SRC: variants seen among roughly 807,000 people sequenced by gnomAD.
SRC encodes SRC proto-oncogene, non-receptor tyrosine kinase, also known as proto-oncogene tyrosine-protein kinase Src.
SRC carries 13 observed loss-of-function variants against 62.9 expected under a neutral mutation model. The ratio of observed to expected loss-of-function variants is 0.21; its 90% confidence interval spans 0.13 to 0.33. The LOEUF is 0.33. SRC is among the 10% of genes least tolerant of loss of function. The pLI is 1.00. For missense variants in SRC, 457 were observed against 737.3 expected (o/e 0.62, Z 4.40); for synonymous variants, 302 against 317.5 (o/e 0.95, Z 0.52).
At chr20:37,373,596 C>G (rs1449635549) in intron 2 of SRC, among the ~76,000 whole-genome samples, 2 of 152,230 alleles carry the variant, frequency 1.3e-5, no homozygotes, top group African/African-American at 4.8e-5. Flanking sequence ...AGGCGTAAGC[C>G]ACCACGCCCA....
chr20:37,377,529 G>A (rs1265101401), intron 2 of SRC, among the ~76,000 whole-genome samples: 29 of 152,194 alleles, frequency 1.9e-4, no homozygotes, highest in Non-Finnish European at 2.9e-5. Flanking sequence ...TGTGAGCCAG[G>A]AGGTGAGAGA....
At chr20:37,380,697 T>C in intron 2 of SRC, among the ~76,000 whole-genome samples, 1 of 152,118 alleles carries the variant, frequency 6.6e-6, no homozygotes, top group East Asian at 1.9e-4. Context: ...TGGAGATGGA[T>C]CCTGCCTGGC....
intron 5 of SRC, among the ~76,000 whole-genome samples, chr20:37,387,278 G>C (rs2070471936): frequency 6.6e-6 from 1 of 152,182 alleles, no homozygotes; most frequent in Non-Finnish European, 1.5e-5. Context: ...CATCGCTCAA[G>C]ATCAGTGCAG....
At position 37,391,861 on chromosome 20, in the gene SRC, TA is replaced by T. The variant is rs1339596124; in HGVS notation, c.351-2031del. Among the ~76,000 whole-genome samples, 4 of 152,032 alleles carry T rather than the reference TA, an allele frequency of 2.6e-5. No individual in the cohort carries two copies. In the East Asian group the frequency reaches 7.7e-4, roughly 29 times the overall value. On this transcript the variant is annotated intron_variant, in intron 5 of 13. Transcript: ENST00000373578. ...AGAGCAAGACTCCATCTCAAAAAAA[TA>T]AATAAATAAATAAAGTGCTGGGCTA... is the stretch of plus-strand genomic sequence containing the variant.
In SRC at chr20:37,398,214, T is replaced by C. The variant is rs1295008090; in HGVS notation, c.859+360T>C. ...ACTGTGGAGACCCTGACCCAGTGCGTGTCCACACACTAGCTGTTCGCCATG... is the reference window on the plus strand; with the variant it reads ...ACTGTGGAGACCCTGACCCAGTGCGCGTCCACACACTAGCTGTTCGCCATG... On this transcript the variant is annotated intron_variant, in intron 9 of 13. Coordinates refer to ENST00000373578, the MANE Select transcript of SRC (RefSeq NM_198291.3). This position sits in a 1 kb window ranked among gnomAD's most constrained non-coding sequence, Gnocchi z 5.2. Among the ~76,000 whole-genome samples, 1 of 152,158 alleles carries C rather than the reference T, an allele frequency of 6.6e-6. No homozygotes were observed. The highest frequency in any genetic ancestry group is 1.5e-5 in the Non-Finnish European group (1 of 68,010).
chr20:37,394,200 G>A lies in SRC; in HGVS notation c.476G>A (p.Arg159Gln). 1.2e-6 allele frequency: 2 copies of A among 1,614,028 alleles called. No individual in the cohort carries two copies. The highest frequency in any genetic ancestry group is 1.7e-6 in the Non-Finnish European group (2 of 1,180,028). Residue 159 changes from arginine (R) to glutamine (Q), a missense_variant, in exon 7 of 14, where the codon CGG becomes CAG. This residue lies in a region of SRC where 141 missense variants were observed against 198.4 expected (regional missense o/e 0.71). Coordinates refer to ENST00000373578, the MANE Select transcript of SRC (RefSeq NM_198291.3). ...EEWYFGKITR[R>Q]ESERLLLNAE... ...TGGTATTTTGGCAAGATCACCAGAC[G>A]GGAGTCAGAGCGGTTACTGCTCAAT...
At chr20:37,359,259 T>C (rs1179329943) in intron 1 of SRC, among the ~76,000 whole-genome samples, 1 of 152,226 alleles carries the variant, frequency 6.6e-6, no homozygotes, top group African/African-American at 2.4e-5. Flanking sequence ...CCCACAAATA[T>C]TTTCTGTGCT....
At chr20:37,363,001 C>T (rs2069999669) in intron 1 of SRC, among the ~76,000 whole-genome samples, 1 of 152,210 alleles carries the variant, frequency 6.6e-6, no homozygotes. Flanking sequence ...AAAGCCATCC[C>T]ACCTGCCTGG....
At chr20:37,359,923 T>C (rs2069941204) in intron 1 of SRC, among the ~76,000 whole-genome samples, 1 of 151,878 alleles carries the variant, frequency 6.6e-6, no homozygotes, top group African/African-American at 2.4e-5. Context: ...CTTTGCATCA[T>C]TTAAGTTAAT....
chr20:37,400,307 C>A lies in SRC; in HGVS notation c.1039+13C>A. Reference sequence around the variant, plus strand: ...TACATGAGCAAGGGTGAGTCCTGGGCGGCCGGGGCAGGGGGCAGGGGCACT... The same window carrying A: ...TACATGAGCAAGGGTGAGTCCTGGGAGGCCGGGGCAGGGGGCAGGGGCACT... On this transcript the variant is annotated intron_variant, in intron 10 of 13. Coordinates refer to ENST00000373578, the MANE Select transcript of SRC (RefSeq NM_198291.3). The A allele has an allele frequency of 1.3e-6, 2 of 1,598,954 alleles. No homozygotes were observed. The highest frequency in any genetic ancestry group is 1.1e-5 in the South Asian group (1 of 89,460).
chr20:37,386,505 C>T (rs1339005394), intron 5 of SRC: 3 of 512,996 alleles, frequency 5.8e-6, no homozygotes, highest in South Asian at 3.1e-5. Context: ...GGGCGGCGGG[C>T]TGGGCGGGGT....
intron 5 of SRC, among the ~76,000 whole-genome samples, chr20:37,391,623 G>A (rs2070550306): frequency 6.6e-6 from 1 of 152,158 alleles, no homozygotes; most frequent in Non-Finnish European, 1.5e-5. Context: ...GGAGGCCGAG[G>A]TGGGCAGATC....
intron 2 of SRC, among the ~76,000 whole-genome samples, chr20:37,369,001 G>A (rs2070120897): frequency 6.6e-6 from 1 of 152,148 alleles, no homozygotes; most frequent in Non-Finnish European, 1.5e-5. Flanking sequence ...AAAATCAATT[G>A]ACTGTCAATG....
At chr20:37,378,314 T>G (rs1316916804) in intron 2 of SRC, among the ~76,000 whole-genome samples, 1 of 151,810 alleles carries the variant, frequency 6.6e-6, no homozygotes, top group Non-Finnish European at 1.5e-5. Flanking sequence ...AGGCTAATTT[T>G]TAATCTTCTA....
chr20:37,399,551 T>TC (rs1050272679), intron 9 of SRC, among the ~76,000 whole-genome samples: 4 of 151,462 alleles, frequency 2.6e-5, no homozygotes, highest in Non-Finnish European at 5.9e-5. Flanking sequence ...TTTAGGACTT[T>TC]TTTTTTTTTT....
In SRC at chr20:37,405,230, CT is replaced by C. The variant is rs11479944; in HGVS notation, c.*1864del. On this transcript the variant is annotated 3_prime_UTR_variant, in exon 14 of 14. Coordinates refer to ENST00000373578, the MANE Select transcript of SRC (RefSeq NM_198291.3). ...TTGTGTAAGGTGTCTTAATACTGTC[CT>C]TTTTTTTTTTTTAACAGTGTTTTGT... 18,265 of 182,256 alleles carry C rather than the reference CT, an allele frequency of 0.1. 670 individuals carry two copies. Among genetic ancestry groups the C allele is most frequent in the African/African-American group, 0.19 (7,511 of 40,528 alleles). The allele number at this position is 182,256 out of a possible 1,614,324, so 11.3% of individuals were successfully genotyped here.
At chr20:37,370,671 T>C (rs2070148865) in intron 2 of SRC, among the ~76,000 whole-genome samples, 1 of 152,258 alleles carries the variant, frequency 6.6e-6, no homozygotes, top group Non-Finnish European at 1.5e-5. Context: ...AGTTTTCTAG[T>C]ATTTTGTAGA....
Position 37,402,877 on chromosome 20 carries a change from C to T in SRC, c.1399C>T (p.Pro467Ser). ...ELTTKGRVPY[P>S]GMVNREVLDQ... ...CACCACAAAGGGACGGGTGCCCTAC[C>T]CTGGTAAGAAGGTCCTCATGGCCTG... Residue 467 changes from proline (P) to serine (S), a missense_variant, in exon 13 of 14, where the codon CCT becomes TCT. Pro to Ser is a moderately conservative substitution (Grantham distance 74, BLOSUM62 -1). Around this residue, in one of 4 missense-constraint regions of SRC, gnomAD observed 168 missense variants for 357.8 expected, o/e 0.47. Coordinates refer to ENST00000373578, the MANE Select transcript of SRC (RefSeq NM_198291.3). The surrounding 1 kb of genome is among the most constrained non-coding windows in gnomAD (Gnocchi z 6.2). 6.2e-7 allele frequency: 1 copy of T among 1,613,424 alleles called. No homozygotes were observed. Among genetic ancestry groups the T allele is most frequent in the Non-Finnish European group, 8.5e-7 (1 of 1,179,640 alleles).
At chr20:37,393,276 G>A (rs1428245170) in intron 5 of SRC, among the ~76,000 whole-genome samples, 1 of 152,210 alleles carries the variant, frequency 6.6e-6, no homozygotes, top group Non-Finnish European at 1.5e-5. Flanking sequence ...TTCAGCCGAG[G>A]AGCCCTTTAG....
Sources: allele counts gnomAD v4.1 joint callset (sites outside exome capture counted in the v4.1 genomes callset), GRCh38; gene constraint gnomAD v4.1.1; regional missense constraint gnomAD v4.1.1; non-coding constraint Gnocchi (gnomAD v3.1); transcripts MANE v1.5; gene names NCBI Gene and HGNC (gene_info 2026-07-23, HGNC 2026-07-21).